The following KIAA0586 variants were observed in gnomAD, a reference collection of about 807,000 sequenced individuals.
The protein encoded by KIAA0586 is KIAA0586.
A neutral mutation model predicts 169.8 loss-of-function variants in KIAA0586; 144 were observed. That is an observed-to-expected ratio of 0.85 (90% confidence interval 0.74 to 0.97). The LOEUF is 0.97. Ranked by LOEUF, KIAA0586 falls within the 50% of genes least tolerant of loss-of-function variation. The pLI is 0.00. For missense variants in KIAA0586, 1,854 were observed against 1,823.0 expected (o/e 1.02, Z -0.31); for synonymous variants, 625 against 612.4 (o/e 1.02, Z -0.30).
intron 1 of KIAA0586, among the ~76,000 whole-genome samples, chr14:58,428,962 G>A (rs1484789107): frequency 6.6e-6 from 1 of 152,098 alleles, no homozygotes; most frequent in Non-Finnish European, 1.5e-5. Context: ...TTAAATTAAT[G>A]AATATGTGAG....
At chr14:58,506,868 G>A (rs940759930) in intron 27 of KIAA0586, among the ~76,000 whole-genome samples, 4 of 131,612 alleles carry the variant, frequency 3.0e-5, no homozygotes, top group Non-Finnish European at 4.8e-5. Flanking sequence ...CAGGCTGGGT[G>A]CAGTGCAGTG....
downstream of KIAA0586, among the ~76,000 whole-genome samples, chr14:58,553,150 C>T (rs191455935): frequency 3.9e-5 from 6 of 152,232 alleles, no homozygotes; most frequent in Admixed American, 1.3e-4. Flanking sequence ...GATAAAATAT[C>T]GACTGTGTGT....
Position 58,444,185 on chromosome 14 carries a change from A to T in KIAA0586, c.807+10A>T. ...ACAAATAGATATTCAGGTATCTGTA[A>T]TAAATCCAGTACAGATTCCATAATC... is the stretch of plus-strand genomic sequence containing the variant. On this transcript the variant is annotated intron_variant, in intron 6 of 30. Coordinates refer to ENST00000652326, the MANE Select transcript of KIAA0586 (RefSeq NM_001329943.3). 6.6e-7 allele frequency: 1 copy of T among 1,522,474 alleles called. No homozygotes were observed. The highest frequency in any genetic ancestry group is 1.1e-5 in the South Asian group (1 of 88,130). 94.3% of individuals were successfully genotyped at this position (1,522,474 alleles called of 1,614,324 possible).
chr14:58,435,857 G>A (rs898651295), intron 4 of KIAA0586, among the ~76,000 whole-genome samples: 9 of 152,082 alleles, frequency 5.9e-5, no homozygotes, highest in Admixed American at 1.3e-4. Flanking sequence ...ACAGGCATGT[G>A]CCACCATGCC....
At chr14:58,429,324 A>T (rs1425072696) in intron 1 of KIAA0586, 39 bp from the exon 2 acceptor site, 1 of 1,255,710 alleles carries the variant, frequency 8.0e-7, no homozygotes, top group Admixed American at 1.7e-5. Context: ...TAAGGATCTG[A>T]TTTTAAAATC....
intron 25 of KIAA0586, among the ~76,000 whole-genome samples, chr14:58,490,454 A>G (rs1309396806): frequency 6.6e-6 from 1 of 152,206 alleles, no homozygotes; most frequent in Non-Finnish European, 1.5e-5. Context: ...TCGTGGCTCT[A>G]GTAGTAAAAA....
In KIAA0586 at chr14:58,456,964, C is replaced by T. The variant is rs141580698; in HGVS notation, c.1362+154C>T. 4.7e-4 allele frequency among the ~76,000 whole-genome samples: 72 copies of T among 152,198 alleles called. No individual in the cohort carries two copies. In the East Asian group the frequency reaches 0.01, roughly 22 times the overall value. ...ATCTGTTCCATTTATAAAGTATTTC[C>T]AGAGGCCTTCACCAAGTGATTTCTA... is the stretch of plus-strand genomic sequence containing the variant. On this transcript the variant is annotated intron_variant, in intron 10 of 30. Coordinates refer to ENST00000652326, the MANE Select transcript of KIAA0586 (RefSeq NM_001329943.3).
rs1458398928 is a variant in KIAA0586, at chr14:58,547,713, G to A, written c.4496-68G>A. The A allele has an allele frequency of 1.2e-5, 15 of 1,271,962 alleles. No homozygotes were observed. The East Asian group carries it at 1.3e-4, about 11-fold the overall frequency. The allele number at this position is 1,271,962 out of a possible 1,614,324, so 78.8% of individuals were successfully genotyped here. Reference sequence around the variant, plus strand: ...CCCCACCCCAACCTCATATTATTTCGCAAAGCATAAAGCACGTAAATACTC... The same window carrying A: ...CCCCACCCCAACCTCATATTATTTCACAAAGCATAAAGCACGTAAATACTC... On this transcript the variant is annotated intron_variant, in intron 30 of 30. Transcript: ENST00000652326.
intron 25 of KIAA0586, among the ~76,000 whole-genome samples, chr14:58,490,748 A>G (rs1356289185): frequency 6.6e-6 from 1 of 152,128 alleles, no homozygotes; most frequent in Non-Finnish European, 1.5e-5. Context: ...CACATTATAT[A>G]TAAATATATA....
chr14:58,550,003 CT>C lies in KIAA0586; in HGVS notation c.*2085del, dbSNP rs1370252714. ...AAAATTAGTGTCCATTCGACGGTTTCTTTTTTTTTTTTTTGAGATGGAATTT... is the reference window on the plus strand; with the variant it reads ...AAAATTAGTGTCCATTCGACGGTTTCTTTTTTTTTTTTTGAGATGGAATTT... On this transcript the variant is annotated 3_prime_UTR_variant, in exon 31 of 31. Transcript: ENST00000652326. 1.9e-3 allele frequency: 266 copies of C among 141,436 alleles called. No individual in the cohort carries two copies. Among genetic ancestry groups the C allele is most frequent in the Middle Eastern group, 3.7e-3 (1 of 268 alleles). The allele number at this position is 141,436 out of a possible 1,614,324, so 8.8% of individuals were successfully genotyped here.
At chr14:58,447,063 G>T (rs1464285552) in intron 6 of KIAA0586, among the ~76,000 whole-genome samples, 1 of 152,146 alleles carries the variant, frequency 6.6e-6, no homozygotes, top group African/African-American at 2.4e-5. Context: ...TTGGAAGAAT[G>T]AAATCTGCTA....
At chr14:58,479,889 T>A (rs1255542515) in intron 20 of KIAA0586, among the ~76,000 whole-genome samples, 1 of 152,208 alleles carries the variant, frequency 6.6e-6, no homozygotes, top group African/African-American at 2.4e-5. Flanking sequence ...CATTCACCTG[T>A]AAGTTATACT....
At chr14:58,500,565 C>T (rs1297595700) in intron 27 of KIAA0586, among the ~76,000 whole-genome samples, 4 of 151,956 alleles carry the variant, frequency 2.6e-5, no homozygotes, top group Admixed American at 1.3e-4. Flanking sequence ...ATTAGCCGGG[C>T]ATAGTGGCAG....
intron 27 of KIAA0586, among the ~76,000 whole-genome samples, chr14:58,505,677 C>G (rs1271254959): frequency 3.3e-5 from 5 of 152,088 alleles, no homozygotes; most frequent in African/African-American, 1.2e-4. Context: ...ATGTTTCTGA[C>G]TCCTGGTGAG....
At chr14:58,450,239 G>C (rs953165375) in intron 7 of KIAA0586, among the ~76,000 whole-genome samples, 1 of 151,996 alleles carries the variant, frequency 6.6e-6, no homozygotes, top group African/African-American at 2.4e-5. Flanking sequence ...AAGATTACTA[G>C]GTTAAAGTAT....
At chr14:58,521,839 G>T (rs192827340) in intron 29 of KIAA0586, 18 of 893,440 alleles carry the variant, frequency 2.0e-5, no homozygotes, top group South Asian at 1.4e-4. Context: ...GAGTCGGAGC[G>T]GGGTGCAGAT....
In KIAA0586 at chr14:58,460,320, A is replaced by T. The variant is rs1378597429; in HGVS notation, c.1884+250A>T. Among the ~76,000 whole-genome samples, 123 of 152,184 alleles carry T rather than the reference A, an allele frequency of 8.1e-4. 2 individuals carry two copies. Among genetic ancestry groups the T allele is most frequent in the Admixed American group, 8.0e-3 (122 of 15,280 alleles). On this transcript the variant is annotated intron_variant, in intron 13 of 30. Coordinates refer to ENST00000652326, the MANE Select transcript of KIAA0586 (RefSeq NM_001329943.3). ...TCATGATTTTGTAGTTATAGCAGGT[A>T]TAAAGGTATATCTAGAGATCATCTA... is the stretch of plus-strand genomic sequence containing the variant.
Position 58,492,217 on chromosome 14 carries a change from C to T in KIAA0586, c.3932C>T (p.Ser1311Phe). The change falls in exon 26 of 31, where the codon TCT becomes TTT. Residue 1311 changes from serine (S) to phenylalanine (F), a missense_variant. Transcript: ENST00000652326. ...AAATTTCATGCAGATGCAATTCTTTCTTTTGCTAAACAAAACCAGGAGTCA... is the reference window on the plus strand; with the variant it reads ...AAATTTCATGCAGATGCAATTCTTTTTTTTGCTAAACAAAACCAGGAGTCA... ...HKKFHADAIL[S>F]FAKQNQESAV... 6.4e-7 allele frequency: 1 copy of T among 1,550,876 alleles called. No homozygotes were observed. The highest frequency in any genetic ancestry group is 2.4e-5 in the East Asian group (1 of 40,884).
intron 27 of KIAA0586, among the ~76,000 whole-genome samples, chr14:58,500,092 T>C (rs1036777457): frequency 2.6e-5 from 4 of 152,372 alleles, no homozygotes; most frequent in African/African-American, 7.2e-5. Flanking sequence ...GCATATATAG[T>C]TGACTCTCAT....
Sources: gnomAD v4.1 joint callset for allele counts (sites outside exome capture counted in the v4.1 genomes callset) on GRCh38, gnomAD v4.1.1 for gene constraint, MANE v1.5 for transcripts, NCBI Gene and HGNC (gene_info 2026-07-23, HGNC 2026-07-21) for gene names.